Variants in FCHSD2 observed in about 807,000 individuals in gnomAD.
FCHSD2 encodes FCH and double SH3 domains 2, also known as F-BAR and double SH3 domains protein 2.
Under a neutral mutation model 108.1 loss-of-function variants are expected in FCHSD2, and 38 were observed. That is an observed-to-expected ratio of 0.35 (90% CI 0.27 to 0.46). FCHSD2 has a LOEUF of 0.46. Among genes scored for constraint, FCHSD2 ranks in the 20% least tolerant of loss-of-function variants. The pLI, the probability that FCHSD2 is intolerant of heterozygous loss-of-function variation, is 1.00. For missense variants in FCHSD2, 751 were observed against 897.8 expected (o/e 0.84, Z 2.09); for synonymous variants, 279 against 314.7 (o/e 0.89, Z 1.20).
At chr11:72,864,166 A>C (rs1302816806) in intron 13 of FCHSD2, among the ~76,000 whole-genome samples, 2 of 152,228 alleles carry the variant, frequency 1.3e-5, no homozygotes, top group Non-Finnish European at 2.9e-5. Context: ...AAAGTGGCTG[A>C]AAACGGGGAA....
chr11:73,051,738 C>A (rs575214556), intron 3 of FCHSD2, among the ~76,000 whole-genome samples: 11 of 151,838 alleles, frequency 7.2e-5, no homozygotes, highest in Admixed American at 3.3e-4. Context: ...TTCAAAACAA[C>A]AAAAAAAATT....
At chr11:73,128,196 C>T (rs987601582) in intron 2 of FCHSD2, among the ~76,000 whole-genome samples, 1 of 152,026 alleles carries the variant, frequency 6.6e-6, no homozygotes, top group Non-Finnish European at 1.5e-5. Context: ...AGAGGGAATA[C>T]AAATAATTTC....
chr11:73,010,212 T>A (rs1857832415), intron 4 of FCHSD2, among the ~76,000 whole-genome samples: 1 of 152,202 alleles, frequency 6.6e-6, no homozygotes, highest in Non-Finnish European at 1.5e-5. Context: ...ATTTTGTATT[T>A]CATTCAATGA....
At chr11:73,001,269 A>T in intron 4 of FCHSD2, 135 bp from the exon 5 acceptor site, 2 of 720,898 alleles carry the variant, frequency 2.8e-6, no homozygotes, top group Non-Finnish European at 4.7e-6. Flanking sequence ...CTTATAGGCA[A>T]TATGTCAGCA....
At chr11:73,006,945 G>A (rs1230359081) in intron 4 of FCHSD2, among the ~76,000 whole-genome samples, 2 of 152,182 alleles carry the variant, frequency 1.3e-5, no homozygotes, top group African/African-American at 4.8e-5. Context: ...GCTGACACAA[G>A]ATTGTTCTTA....
chr11:72,866,621 C>T (rs1854732921), intron 13 of FCHSD2, among the ~76,000 whole-genome samples: 1 of 152,144 alleles, frequency 6.6e-6, no homozygotes, highest in African/African-American at 2.4e-5. Context: ...ACCCCAAAGT[C>T]AAGTGGGTGA....
chr11:73,029,552 G>A (rs561416295), intron 3 of FCHSD2, among the ~76,000 whole-genome samples: 1 of 152,274 alleles, frequency 6.6e-6, no homozygotes, highest in South Asian at 2.1e-4. Flanking sequence ...AGCCAGGATG[G>A]GCAAATGGGA....
chr11:73,124,379 T>C (rs1860804619), intron 2 of FCHSD2, among the ~76,000 whole-genome samples: 1 of 152,050 alleles, frequency 6.6e-6, no homozygotes, highest in South Asian at 2.1e-4. Context: ...CTGCACATTG[T>C]GCACATGTAC....
At chr11:72,860,192 C>T (rs1189515472) in intron 13 of FCHSD2, among the ~76,000 whole-genome samples, 1 of 152,226 alleles carries the variant, frequency 6.6e-6, no homozygotes, top group Non-Finnish European at 1.5e-5. Context: ...CACTCACCTC[C>T]TGCTGTGTGG....
intron 9 of FCHSD2, among the ~76,000 whole-genome samples, chr11:72,920,318 TAAATG>T (rs1855954536): frequency 6.6e-6 from 1 of 152,174 alleles, no homozygotes; most frequent in African/African-American, 2.4e-5. Context: ...TCAAATCTGA[TAAATG>T]AAATGGACAA....
intron 14 of FCHSD2, chr11:72,843,797 C>T (rs1184712624): frequency 2.7e-6 from 1 of 372,676 alleles, no homozygotes; most frequent in Non-Finnish European, 4.8e-6. Flanking sequence ...TAAGCCTGGG[C>T]AACACAGCGA....
chr11:73,140,593 C>G (rs575895018), intron 1 of FCHSD2, among the ~76,000 whole-genome samples: 1 of 152,340 alleles, frequency 6.6e-6, no homozygotes, highest in South Asian at 2.1e-4. Flanking sequence ...GAATCGACTA[C>G]ATAAATTACT....
At chr11:73,068,755 A>C (rs1042884838) in intron 3 of FCHSD2, among the ~76,000 whole-genome samples, 1 of 147,134 alleles carries the variant, frequency 6.8e-6, no homozygotes, top group African/African-American at 2.5e-5. Flanking sequence ...GGACTGCTTG[A>C]GCCCAGGAGT....
chr11:73,068,220 T>C (rs1430936845), intron 3 of FCHSD2, among the ~76,000 whole-genome samples: 2 of 152,090 alleles, frequency 1.3e-5, no homozygotes, highest in East Asian at 3.9e-4. Context: ...GAAGAAATAA[T>C]TTCTTCTTTA....
intron 9 of FCHSD2, among the ~76,000 whole-genome samples, chr11:72,910,525 C>G (rs1425320003): frequency 6.6e-6 from 1 of 152,136 alleles, no homozygotes; most frequent in Admixed American, 6.5e-5. Context: ...TAACCTTACC[C>G]CCAACCCCAT....
intron 3 of FCHSD2, among the ~76,000 whole-genome samples, chr11:73,082,893 T>C (rs571344661): frequency 3.7e-4 from 57 of 152,304 alleles, no homozygotes; most frequent in African/African-American, 1.3e-3. Context: ...CATAAAATGA[T>C]ACATCAACAT....
intron 5 of FCHSD2, among the ~76,000 whole-genome samples, chr11:72,991,550 G>C (rs981748353): frequency 1.3e-5 from 2 of 152,134 alleles, no homozygotes; most frequent in African/African-American, 2.4e-5. Flanking sequence ...TGCAAGGCTG[G>C]TTCAACATAC....
chr11:73,120,526 T>TC (rs1306619949), intron 2 of FCHSD2, among the ~76,000 whole-genome samples: 1 of 152,062 alleles, frequency 6.6e-6, no homozygotes, highest in Non-Finnish European at 1.5e-5. Context: ...GGTCAGGGGT[T>TC]CGAGACCAGC....
chr11:72,989,374 A>C (rs904074580), intron 5 of FCHSD2, among the ~76,000 whole-genome samples: 1 of 152,230 alleles, frequency 6.6e-6, no homozygotes, highest in African/African-American at 2.4e-5. Flanking sequence ...AAGGTAAGAC[A>C]TGGAAGAGCA....
Sources: allele counts gnomAD v4.1 joint callset (sites outside exome capture counted in the v4.1 genomes callset), GRCh38; gene constraint gnomAD v4.1.1; transcripts MANE v1.5; gene names NCBI Gene and HGNC (gene_info 2026-07-23, HGNC 2026-07-21).